The following AFF3 variants were observed in gnomAD, a reference collection of about 807,000 sequenced individuals.
The protein encoded by AFF3 is AF4/FMR2 family member 3.
AFF3 carries 32 observed loss-of-function variants against 129.7 expected under a neutral mutation model. The observed-to-expected ratio is 0.25, with a 90% CI of 0.19 to 0.33. The LOEUF (loss-of-function observed/expected upper bound fraction) is 0.33. AFF3 is among the 10% of genes least tolerant of loss of function. The pLI is 1.00. For missense variants in AFF3, 1,373 were observed against 1,592.0 expected, an observed-to-expected ratio of 0.86 and a Z score of 2.34; for synonymous variants, 644 against 635.4, an observed-to-expected ratio of 1.01 and a Z score of -0.20.
chr2:99,883,056 T>G (rs1474608398), intron 7 of AFF3, among the ~76,000 whole-genome samples: 1 of 152,202 alleles, frequency 6.6e-6, no homozygotes. Flanking sequence ...GAATTGAAGC[T>G]TCATCCACAG....
At chr2:100,104,305 G>A in intron 4 of AFF3, 97 bp downstream of exon 4, 1 of 198,150 alleles carries the variant, frequency 5.0e-6, no homozygotes, top group Non-Finnish European at 8.5e-6. Context: ...ACGGCGGCCG[G>A]CCGCCCGGAG....
At position 99,722,767 on chromosome 2, in the gene AFF3, C is replaced by T. The variant is rs142587200; in HGVS notation, c.1091+4310G>A. ...GGAAATTTATATACAGAATGGAGGG[C>T]TCTCTTCTTTATGGCTCTTTTCTTT... On this transcript the variant is annotated intron_variant, in intron 11 of 24. Transcript: ENST00000672756. Among the ~76,000 whole-genome samples the T allele has an allele frequency of 4.6e-5, 7 of 152,282 alleles. 1 individual carries two copies. The highest frequency in any genetic ancestry group is 1.7e-4 in the African/African-American group (7 of 41,544).
chr2:99,930,697 G>C (rs573973205), intron 7 of AFF3, among the ~76,000 whole-genome samples: 17 of 152,280 alleles, frequency 1.1e-4, no homozygotes, highest in African/African-American at 4.1e-4. Context: ...ATGCAGATGG[G>C]GGGAGGGAAG....
Position 99,777,036 on chromosome 2 carries a change from T to C in AFF3, c.922-24735A>G, listed in dbSNP as rs147469732. Among the ~76,000 whole-genome samples, 56 of 152,286 alleles carry C rather than the reference T, an allele frequency of 3.7e-4. No individual in the cohort carries two copies. In the East Asian group the frequency reaches 0.01, roughly 28 times the overall value. On this transcript the variant is annotated intron_variant, in intron 8 of 24. Coordinates refer to ENST00000672756, the MANE Select transcript of AFF3 (RefSeq NM_001386135.1). Reference sequence around the variant, plus strand: ...TAGGAATCTACAAACACACATATGCTAAAGCACAACAGTCCCTCAGTTATG... The same window carrying C: ...TAGGAATCTACAAACACACATATGCCAAAGCACAACAGTCCCTCAGTTATG...
rs528272133 is a variant in AFF3, at chr2:99,565,336, G to A, written c.3119+151C>T. The A allele has an allele frequency of 3.2e-3, 3,463 of 1,098,664 alleles. 11 individuals carry two copies. Among genetic ancestry groups the A allele is most frequent in the Non-Finnish European group, 4.0e-3 (3,142 of 779,812 alleles). The allele number at this position is 1,098,664 out of a possible 1,614,324, so 68.1% of individuals were successfully genotyped here. A position where few individuals can be genotyped will look rare whatever the true frequency, so the allele number is the denominator to read the frequency against. Reference sequence around the variant, plus strand: ...CAGAGGGGGCAGGGTGTGCCAAGACGCCTTGCACGACCTTACCCTCTTATT... The same window carrying A: ...CAGAGGGGGCAGGGTGTGCCAAGACACCTTGCACGACCTTACCCTCTTATT... On this transcript the variant is annotated intron_variant, in intron 20 of 24. Transcript: ENST00000672756.
chr2:99,813,829 G>A (rs1686987567), intron 8 of AFF3, among the ~76,000 whole-genome samples: 1 of 152,128 alleles, frequency 6.6e-6, no homozygotes, highest in South Asian at 2.1e-4. Flanking sequence ...CAGTCACATA[G>A]AACAAAACAG....
At chr2:99,604,881 C>T (rs1159737529) in intron 13 of AFF3, among the ~76,000 whole-genome samples, 1 of 152,176 alleles carries the variant, frequency 6.6e-6, no homozygotes, top group Non-Finnish European at 1.5e-5. Flanking sequence ...CATAGAAAAC[C>T]AATCAGTATA....
rs147456956 is a variant in AFF3, at chr2:99,553,740, C to T, written c.3559+571G>A. Among the ~76,000 whole-genome samples, 541 of 151,454 alleles carry T rather than the reference C, an allele frequency of 3.6e-3. 5 individuals are homozygous for T. The highest frequency in any genetic ancestry group is 0.012 in the African/African-American group (512 of 41,256). ...CATCCTGGCCAACATGGTGAAACCCCGCCTCTACTAAAAATACAAAAAAAT... is the reference window on the plus strand; with the variant it reads ...CATCCTGGCCAACATGGTGAAACCCTGCCTCTACTAAAAATACAAAAAAAT... On this transcript the variant is annotated intron_variant, in intron 24 of 24. Transcript: ENST00000672756.
chr2:99,742,401 A>G (rs1231464039), intron 10 of AFF3, among the ~76,000 whole-genome samples: 1 of 152,198 alleles, frequency 6.6e-6, no homozygotes, highest in Non-Finnish European at 1.5e-5. Context: ...AAGCCAATCA[A>G]AAACCTTTCT....
intron 4 of AFF3, among the ~76,000 whole-genome samples, chr2:100,019,236 T>C (rs1683387869): frequency 6.6e-6 from 1 of 152,130 alleles, no homozygotes; most frequent in Non-Finnish European, 1.5e-5. Context: ...CTCGACTTCT[T>C]TTTCTCCCAG....
chr2:99,655,176 GT>G (rs1337079151), intron 12 of AFF3, among the ~76,000 whole-genome samples: 1 of 150,646 alleles, frequency 6.6e-6, no homozygotes, highest in East Asian at 2.0e-4. Context: ...TTGCAATATT[GT>G]GCTTAGTGTC....
intron 1 of AFF3, among the ~76,000 whole-genome samples, chr2:100,131,904 C>T (rs1692442565): frequency 6.6e-6 from 1 of 152,182 alleles, no homozygotes; most frequent in Non-Finnish European, 1.5e-5. Context: ...TTTTACAGAA[C>T]AGGTAACTGG....
intron 4 of AFF3, among the ~76,000 whole-genome samples, chr2:100,056,543 C>T (rs914510828): frequency 3.9e-5 from 6 of 152,140 alleles, no homozygotes; most frequent in East Asian, 1.9e-4. Flanking sequence ...AAGTTCCTTC[C>T]GTGCCCAGGA....
At chr2:99,928,449 A>C (rs1418086685) in intron 7 of AFF3, among the ~76,000 whole-genome samples, 1 of 152,204 alleles carries the variant, frequency 6.6e-6, no homozygotes, top group Admixed American at 6.5e-5. Flanking sequence ...GGGAAAGCTG[A>C]TATTTCCAGG....
At chr2:99,627,439 ATTTG>A (rs139508003) in intron 13 of AFF3, among the ~76,000 whole-genome samples, 4,154 of 152,080 alleles carry the variant, frequency 0.027, 187 homozygotes, top group African/African-American at 0.094. Flanking sequence ...TTTCTTGTAA[ATTTG>A]TTTAAGTTCC....
chr2:100,118,743 G>A (rs1329510574), intron 2 of AFF3, among the ~76,000 whole-genome samples: 1 of 151,588 alleles, frequency 6.6e-6, no homozygotes, highest in African/African-American at 2.4e-5. Context: ...TTATGCTGTA[G>A]AACTCAGCCC....
rs528614319 is a variant in AFF3 at position 99,917,911 on chromosome 2, G to A, written c.874-80387C>T. ...TCTGTTGGGTATTTATTATATGGCC[G>A]TTATATAAAAATATTACAGAAATAA... On this transcript the variant is annotated intron_variant, in intron 7 of 24. Coordinates refer to ENST00000672756, the MANE Select transcript of AFF3 (RefSeq NM_001386135.1). Among the ~76,000 whole-genome samples the A allele has an allele frequency of 7.2e-5, 11 of 152,048 alleles. No individual in the cohort carries two copies. The East Asian group carries it at 1.2e-3, about 16-fold the overall frequency.
chr2:99,825,668 T>C (rs942838260), intron 8 of AFF3, among the ~76,000 whole-genome samples: 1 of 152,170 alleles, frequency 6.6e-6, no homozygotes, highest in Admixed American at 6.5e-5. Flanking sequence ...TCATTACCTA[T>C]CAAAATGAAA....
chr2:100,012,630 T>G (rs1463763343), intron 4 of AFF3, among the ~76,000 whole-genome samples: 4 of 152,182 alleles, frequency 2.6e-5, no homozygotes, highest in Non-Finnish European at 4.4e-5. Flanking sequence ...AGAGTGCCTT[T>G]CTCTTCATCT....
Sources: allele counts gnomAD v4.1 joint callset (sites outside exome capture counted in the v4.1 genomes callset), GRCh38; gene constraint gnomAD v4.1.1; transcripts MANE v1.5; gene names NCBI Gene and HGNC (gene_info 2026-07-23, HGNC 2026-07-21).